The following EDA variants were observed in gnomAD, a reference collection of about 807,000 sequenced individuals.
EDA encodes ectodysplasin-A.
In EDA, 2 loss-of-function variants were observed where a neutral mutation model predicts 23.6. The ratio of observed to expected loss-of-function variants is 0.08; its 90% CI spans 0.03 to 0.27. The LOEUF (loss-of-function observed/expected upper bound fraction) is 0.27, where lower values mean the gene tolerates loss of function less well. Among genes scored for constraint, EDA ranks in the 10% least tolerant of loss-of-function variants. The probability of loss-of-function intolerance (pLI) is 1.00; values close to 1 mark genes in which losing one functional copy is unlikely to be tolerated. For missense variants in EDA, 229 were observed against 324.2 expected (o/e 0.71, Z 2.26); for synonymous variants, 131 against 132.0 (o/e 0.99, Z 0.05).
chrX:69,805,306 C>T (rs1286845139), intron 1 of EDA, among the ~76,000 whole-genome samples: 1 of 111,330 alleles, frequency 9.0e-6, no homozygotes, highest in Non-Finnish European at 1.9e-5. Flanking sequence ...CCATATCTGC[C>T]TTTGCTCATT....
At position 69,825,608 on chromosome X, in the gene EDA, G is replaced by A. The variant is rs183508427; in HGVS notation, c.397-131419G>A. Among the ~76,000 whole-genome samples, 7 of 112,991 alleles carry A rather than the reference G, an allele frequency of 6.2e-5. No individual in the cohort carries two copies. The East Asian group carries it at 1.9e-3, about 31-fold the overall frequency. ...CTCTCTTTTTCTCTTTATTAGTCTT[G>A]CTAGTGGTCTATCAATTTTGTTGAT... On this transcript the variant is annotated intron_variant, in intron 1 of 7. Coordinates refer to ENST00000374552, the MANE Select transcript of EDA (RefSeq NM_001399.5).
chrX:69,964,714 G>T (rs1330559623), intron 2 of EDA, among the ~76,000 whole-genome samples: 2 of 111,381 alleles, frequency 1.8e-5, no homozygotes, highest in Non-Finnish European at 3.8e-5. Context: ...GTGGTGAACT[G>T]CTAGCTCACT....
chrX:69,817,250 A>C (rs2016102616), intron 1 of EDA, among the ~76,000 whole-genome samples: 1 of 111,829 alleles, frequency 8.9e-6, no homozygotes, highest in African/African-American at 3.3e-5. Flanking sequence ...AACCATTACC[A>C]GCCACTACAA....
chrX:69,998,342 T>C (rs929621771), intron 2 of EDA, among the ~76,000 whole-genome samples: 1 of 112,556 alleles, frequency 8.9e-6, no homozygotes, highest in Non-Finnish European at 1.9e-5. Context: ...ATGGGGCCTG[T>C]AGCCCCTTTG....
chrX:69,931,736 G>A (rs2018601940), intron 1 of EDA, among the ~76,000 whole-genome samples: 1 of 111,738 alleles, frequency 8.9e-6, no homozygotes, highest in Non-Finnish European at 1.9e-5. Flanking sequence ...CATACACACT[G>A]CTGGTGGGAA....
At chrX:69,958,540 A>T (rs1323586913) in intron 2 of EDA, among the ~76,000 whole-genome samples, 5 of 108,626 alleles carry the variant, frequency 4.6e-5, no homozygotes. Context: ...AAAAAGAGCC[A>T]GAGCAGTAAG....
intron 1 of EDA, among the ~76,000 whole-genome samples, chrX:69,884,480 A>G (rs150469960): frequency 8.9e-6 from 1 of 112,524 alleles, no homozygotes; most frequent in East Asian, 2.8e-4. Flanking sequence ...AGTGAATTAT[A>G]TCTCAATTTT....
chrX:69,756,577 A>G (rs2014127253), intron 1 of EDA, among the ~76,000 whole-genome samples: 1 of 111,945 alleles, frequency 8.9e-6, no homozygotes, highest in South Asian at 3.7e-4. Context: ...TTCTAGAAAG[A>G]TGAATATCTT....
chrX:69,999,512 A>T (rs762712782), intron 2 of EDA, among the ~76,000 whole-genome samples: 3 of 107,346 alleles, frequency 2.8e-5, no homozygotes, highest in Non-Finnish European at 5.8e-5. Flanking sequence ...CCTACTCGGG[A>T]GGCTGAGGCA....
At chrX:69,768,047 ATCT>A (rs1423575265) in intron 1 of EDA, among the ~76,000 whole-genome samples, 1 of 111,698 alleles carries the variant, frequency 9.0e-6, no homozygotes, top group Non-Finnish European at 1.9e-5. Context: ...GTTCTTTCTC[ATCT>A]TATTATTGAG....
chrX:69,964,732 G>A (rs2019150541), intron 2 of EDA, among the ~76,000 whole-genome samples: 1 of 111,160 alleles, frequency 9.0e-6, no homozygotes, highest in Admixed American at 9.6e-5. Flanking sequence ...ACTTCTGTAT[G>A]GCTCCTCAAA....
intron 1 of EDA, among the ~76,000 whole-genome samples, chrX:69,751,510 T>C (rs1357739491): frequency 8.9e-6 from 1 of 111,772 alleles, no homozygotes; most frequent in Non-Finnish European, 1.9e-5. Flanking sequence ...CAATGTGGGC[T>C]CCTTTTTTGG....
rs1054258052 is a variant in EDA at position 70,039,219 on chromosome X, T to C, written c.*3610T>C. The stretch of plus-strand genomic sequence containing the variant: ...AAAGAAGAAAGCTGATTTTTGTCTT[T>C]TAATCCATTTCAGGACTCTCTCCAG... On this transcript the variant is annotated 3_prime_UTR_variant, in exon 8 of 8. Transcript: ENST00000374552. The C allele has an allele frequency of 9.0e-6, 1 of 111,682 alleles. No homozygotes were observed. Among genetic ancestry groups the C allele is most frequent in the African/African-American group, 3.3e-5 (1 of 30,615 alleles). The allele number at this position is 111,682 out of a possible 1,213,427, so 9.2% of individuals were successfully genotyped here. A position where few individuals can be genotyped will look rare whatever the true frequency, so the allele number is the denominator to read the frequency against.
chrX:70,029,648 C>G, intron 5 of EDA, 110 bp downstream of exon 5: 1 of 819,106 alleles, frequency 1.2e-6, no homozygotes. Context: ...ATGAGAACAC[C>G]CCGGAGATTC....
Position 69,616,464 on chromosome X carries a change from C to T in EDA, c.156C>T (p.Ala52=), listed in dbSNP as rs758466207. ...LFLGFFGLSL[A]LHLLTLCCYL... is the part of the protein sequence containing the mutation. The stretch of plus-strand genomic sequence containing the variant: ...TGGGTTTCTTTGGCCTCTCGCTGGC[C>T]CTCCACCTGCTGACGTTGTGCTGCT... Residue 52 remains alanine, a synonymous_variant, in exon 1 of 8, where the codon GCC becomes GCT. Transcript: ENST00000374552. The T allele has an allele frequency of 8.3e-7, 1 of 1,212,016 alleles. No individual in the cohort carries two copies. Among genetic ancestry groups the T allele is most frequent in the Admixed American group, 2.2e-5 (1 of 46,151 alleles).
intron 1 of EDA, among the ~76,000 whole-genome samples, chrX:69,734,290 CTTCTA>C (rs2013165418): frequency 9.0e-6 from 1 of 111,175 alleles, no homozygotes; most frequent in South Asian, 3.8e-4. Context: ...TGATGCCTCT[CTTCTA>C]TTCCTGGTAT....
intron 1 of EDA, among the ~76,000 whole-genome samples, chrX:69,775,992 G>A (rs1003879963): frequency 8.9e-6 from 1 of 111,839 alleles, no homozygotes; most frequent in African/African-American, 3.2e-5. Flanking sequence ...TATCTGACAA[G>A]TGCTTATATT....
At chrX:69,868,135 A>T (rs1023230900) in intron 1 of EDA, among the ~76,000 whole-genome samples, 2 of 111,797 alleles carry the variant, frequency 1.8e-5, no homozygotes, top group Admixed American at 1.9e-4. Context: ...AAAGGCTCCA[A>T]ACAGCATCCC....
chrX:69,675,668 C>G (rs1298670636), intron 1 of EDA, among the ~76,000 whole-genome samples: 2 of 110,504 alleles, frequency 1.8e-5, no homozygotes, highest in Non-Finnish European at 3.8e-5. Context: ...ATTTATGGAA[C>G]CAAAGATATA....
Sources: allele counts gnomAD v4.1 joint callset (sites outside exome capture counted in the v4.1 genomes callset), GRCh38; gene constraint gnomAD v4.1.1; transcripts MANE v1.5; gene names NCBI Gene and HGNC (gene_info 2026-07-23, HGNC 2026-07-21).